The following NCOA1 variants were observed in gnomAD, a reference collection of about 807,000 sequenced individuals.
NCOA1 encodes Hin-2 protein.
NCOA1 carries 35 observed loss-of-function variants against 150.9 expected under a neutral mutation model. The observed-to-expected ratio is 0.23, with a 90% CI of 0.18 to 0.31. The LOEUF (loss-of-function observed/expected upper bound fraction) is 0.31, where lower values mean the gene tolerates loss of function less well. Among genes scored for constraint, NCOA1 ranks in the 10% least tolerant of loss-of-function variants. The pLI, the probability that NCOA1 is intolerant of heterozygous loss-of-function variation, is 1.00. For missense variants in NCOA1, 1,491 were observed against 1,749.3 expected, an observed-to-expected ratio of 0.85 and a Z score of 2.63; for synonymous variants, 590 against 630.0, an observed-to-expected ratio of 0.94 and a Z score of 0.95.
intron 3 of NCOA1, among the ~76,000 whole-genome samples, chr2:24,587,395 T>A (rs1398409774): frequency 6.6e-6 from 1 of 151,870 alleles, no homozygotes; most frequent in Admixed American, 6.6e-5. Context: ...AGGTTGCTTT[T>A]AGTATTCTGC....
intron 4 of NCOA1, among the ~76,000 whole-genome samples, chr2:24,654,708 A>T (rs540495696): frequency 6.6e-6 from 1 of 152,266 alleles, no homozygotes; most frequent in South Asian, 2.1e-4. Context: ...TTAAGACCTT[A>T]CATGGTATAG....
chr2:24,562,897 A>G lies in NCOA1; in HGVS notation c.-395-1398A>G, dbSNP rs187043515. ...CAGGTTAGAAAAAATAGAGTGAGATATTGAATGACAAATTGAAGAAGAGGG... is the reference window on the plus strand; with the variant it reads ...CAGGTTAGAAAAAATAGAGTGAGATGTTGAATGACAAATTGAAGAAGAGGG... On this transcript the variant is annotated intron_variant, in intron 1 of 22. Transcript: ENST00000348332. Among the ~76,000 whole-genome samples, 310 of 152,334 alleles carry G rather than the reference A, an allele frequency of 2.0e-3. 1 individual carries two copies. The highest frequency in any genetic ancestry group is 7.4e-3 in the African/African-American group (308 of 41,576).
intron 17 of NCOA1, 133 bp downstream of exon 17, chr2:24,729,948 C>A: frequency 1.1e-6 from 1 of 885,262 alleles, no homozygotes; most frequent in Non-Finnish European, 1.7e-6. Context: ...CAGGTTCAAG[C>A]AATTCTCCTG....
chr2:24,678,440 T>C (rs1315463809), intron 7 of NCOA1, among the ~76,000 whole-genome samples: 1 of 152,238 alleles, frequency 6.6e-6, no homozygotes, highest in Admixed American at 6.5e-5. Flanking sequence ...TATTTCTGCC[T>C]CTAAATCTTT....
intron 11 of NCOA1, among the ~76,000 whole-genome samples, chr2:24,699,980 A>G (rs1558296986): frequency 6.6e-6 from 1 of 152,110 alleles, no homozygotes. Flanking sequence ...CCCCATCTCC[A>G]CTAAAAATAC....
Position 24,710,139 on chromosome 2 carries a change from G to A in NCOA1, c.2419-792G>A, listed in dbSNP as rs947830842. ...ATGGGAGTCTCGCTCTGTAGCCCAG[G>A]CTGGAGTGCAGTGGCACGATCTCGG... On this transcript the variant is annotated intron_variant, in intron 13 of 22. Coordinates refer to ENST00000348332, the MANE Select transcript of NCOA1 (RefSeq NM_003743.5). Among the ~76,000 whole-genome samples the A allele has an allele frequency of 7.9e-5, 12 of 152,016 alleles. No homozygotes were observed. In the South Asian group the frequency reaches 2.5e-3, roughly 32 times the overall value.
intron 3 of NCOA1, among the ~76,000 whole-genome samples, chr2:24,640,894 T>A (rs1670184680): frequency 6.6e-6 from 1 of 152,086 alleles, no homozygotes. Context: ...TTTCCCTAGT[T>A]TCCATCTTTT....
chr2:24,615,467 C>T (rs1668833967), intron 3 of NCOA1, among the ~76,000 whole-genome samples: 1 of 152,132 alleles, frequency 6.6e-6, no homozygotes, highest in Non-Finnish European at 1.5e-5. Context: ...AGTATCAGAA[C>T]TTAAGGAATC....
intron 4 of NCOA1, among the ~76,000 whole-genome samples, chr2:24,644,696 G>A (rs1670384179): frequency 6.6e-6 from 1 of 152,018 alleles, no homozygotes; most frequent in Non-Finnish European, 1.5e-5. Context: ...CAAGACAGTA[G>A]ATAAAAGAGT....
chr2:24,741,335 A>G (rs1458347216), intron 18 of NCOA1, among the ~76,000 whole-genome samples: 2 of 152,182 alleles, frequency 1.3e-5, no homozygotes, highest in South Asian at 2.1e-4. Flanking sequence ...AACACAGTAA[A>G]TTTTTTGGAA....
chr2:24,634,503 A>G (rs1036367232), intron 3 of NCOA1, among the ~76,000 whole-genome samples: 3 of 152,274 alleles, frequency 2.0e-5, no homozygotes, highest in Non-Finnish European at 2.9e-5. Context: ...TGATTCTTAA[A>G]TGGGAATTCA....
intron 7 of NCOA1, 35 bp from the exon 8 acceptor site, chr2:24,682,916 A>C: frequency 6.5e-7 from 1 of 1,533,940 alleles, no homozygotes; most frequent in South Asian, 1.3e-5. Flanking sequence ...TTTATCTTTC[A>C]ACCTCCAAAC....
chr2:24,628,777 A>G (rs1297961338), intron 3 of NCOA1, among the ~76,000 whole-genome samples: 1 of 152,180 alleles, frequency 6.6e-6, no homozygotes, highest in Non-Finnish European at 1.5e-5. Flanking sequence ...AACATATTGT[A>G]GGGAAGGCCT....
At chr2:24,674,483 G>C (rs1280485128) in intron 7 of NCOA1, among the ~76,000 whole-genome samples, 1 of 152,126 alleles carries the variant, frequency 6.6e-6, no homozygotes, top group African/African-American at 2.4e-5. Flanking sequence ...TGGGATTACA[G>C]GCGTGAGCCA....
intron 3 of NCOA1, among the ~76,000 whole-genome samples, chr2:24,612,128 C>G (rs1485102892): frequency 6.6e-6 from 1 of 152,138 alleles, no homozygotes; most frequent in Non-Finnish European, 1.5e-5. Context: ...AATTCTCTAG[C>G]ACTTGCTTGT....
chr2:24,586,389 T>G (rs1352624558), intron 3 of NCOA1, among the ~76,000 whole-genome samples: 1 of 151,948 alleles, frequency 6.6e-6, no homozygotes, highest in East Asian at 1.9e-4. Context: ...TGTTTGTTTG[T>G]TTGTTTGTTT....
At chr2:24,669,823 C>G (rs929206380) in intron 6 of NCOA1, among the ~76,000 whole-genome samples, 4 of 152,144 alleles carry the variant, frequency 2.6e-5, no homozygotes, top group Non-Finnish European at 5.9e-5. Flanking sequence ...TACCATTTCA[C>G]ACTCACTAAG....
chr2:24,537,749 A>G (rs1408988982), intron 1 of NCOA1, among the ~76,000 whole-genome samples: 1 of 152,182 alleles, frequency 6.6e-6, no homozygotes, highest in Non-Finnish European at 1.5e-5. Flanking sequence ...TGTCACAAAA[A>G]GTATGTGAGG....
chr2:24,705,003 C>T, intron 11 of NCOA1, 83 bp from the exon 12 acceptor site: 1 of 1,445,294 alleles, frequency 6.9e-7, no homozygotes, highest in Non-Finnish European at 9.4e-7. Context: ...AAATGAGGTT[C>T]TAAGTAGAAA....
Sources: gnomAD v4.1 joint callset for allele counts (sites outside exome capture counted in the v4.1 genomes callset) on GRCh38, gnomAD v4.1.1 for gene constraint, MANE v1.5 for transcripts, NCBI Gene and HGNC (gene_info 2026-07-23, HGNC 2026-07-21) for gene names.